Variants in CAB39L observed in about 807,000 individuals in gnomAD.
CAB39L encodes calcium binding protein 39 like.
A neutral mutation model predicts 39.1 loss-of-function variants in CAB39L; 23 were observed. That is an observed-to-expected ratio of 0.59 (90% CI 0.42 to 0.83). CAB39L has a LOEUF of 0.83. Ranked by LOEUF, CAB39L falls within the 40% of genes least tolerant of loss-of-function variation. The pLI is 0.00. For synonymous variants in CAB39L, 126 were observed against 137.2 expected, an observed-to-expected ratio of 0.92 and a Z score of 0.57; for missense variants, 366 against 391.9, an observed-to-expected ratio of 0.93 and a Z score of 0.56.
intron 3 of CAB39L, among the ~76,000 whole-genome samples, chr13:49,394,014 T>C (rs1956547898): frequency 6.6e-6 from 1 of 151,930 alleles, no homozygotes; most frequent in Non-Finnish European, 1.5e-5. Context: ...TTTCTGTAAT[T>C]TTATAAGTGA....
At chr13:49,358,282 A>G (rs985077916) in intron 6 of CAB39L, among the ~76,000 whole-genome samples, 5 of 152,182 alleles carry the variant, frequency 3.3e-5, no homozygotes, top group African/African-American at 1.2e-4. Context: ...TCACTAGTGA[A>G]TAATAACTGT....
intron 7 of CAB39L, among the ~76,000 whole-genome samples, chr13:49,346,309 T>C (rs1027821550): frequency 7.7e-5 from 11 of 142,310 alleles, no homozygotes; most frequent in Non-Finnish European, 1.4e-4. Flanking sequence ...ATATAATTGC[T>C]GCATTATAGA....
chr13:49,327,860 A>T (rs1954549174), intron 10 of CAB39L, among the ~76,000 whole-genome samples: 1 of 152,176 alleles, frequency 6.6e-6, no homozygotes, highest in South Asian at 2.1e-4. Flanking sequence ...TCCCATTTTA[A>T]ACAATGTTGC....
chr13:49,329,400 T>C (rs1036788732), intron 10 of CAB39L, among the ~76,000 whole-genome samples: 1 of 151,568 alleles, frequency 6.6e-6, no homozygotes, highest in Non-Finnish European at 1.5e-5. Flanking sequence ...CTAATGGGCT[T>C]CTGGACAATA....
At chr13:49,332,954 A>T (rs962534088) in intron 9 of CAB39L, among the ~76,000 whole-genome samples, 1 of 152,048 alleles carries the variant, frequency 6.6e-6, no homozygotes, top group East Asian at 1.9e-4. Context: ...TCAGGGGAGT[A>T]ACACATCATT....
At chr13:49,315,642 C>T (rs773936921) in intron 10 of CAB39L, among the ~76,000 whole-genome samples, 7 of 152,020 alleles carry the variant, frequency 4.6e-5, no homozygotes, top group South Asian at 4.2e-4. Context: ...AATCCAGCAG[C>T]GTGGGAGGCC....
chr13:49,359,701 G>A lies in CAB39L; in HGVS notation c.395+13C>T, dbSNP rs1955577450. The stretch of plus-strand genomic sequence containing the variant: ...AAAACTTAGCCCTACTTGAAAGGAA[G>A]CCATGTACCTACCCTTTGAGGAGCA... On this transcript the variant is annotated intron_variant, in intron 6 of 10. Transcript: ENST00000409308. 1 of 1,408,876 alleles carries A rather than the reference G, an allele frequency of 7.1e-7. No homozygotes were observed. The highest frequency in any genetic ancestry group is 2.3e-5 in the East Asian group (1 of 43,508). The allele number at this position is 1,408,876 out of a possible 1,614,324, so 87.3% of individuals were successfully genotyped here. A position where few individuals can be genotyped will look rare whatever the true frequency, so the allele number is the denominator to read the frequency against.
chr13:49,371,707 C>G (rs1955923237), intron 5 of CAB39L, among the ~76,000 whole-genome samples: 1 of 151,976 alleles, frequency 6.6e-6, no homozygotes, highest in Non-Finnish European at 1.5e-5. Flanking sequence ...GGTGATTCTT[C>G]CACCTTAGCC....
rs59783079 is a variant in CAB39L at position 49,441,221 on chromosome 13, G to GTATATATATA, written c.-246+2755_-246+2764dup. On this transcript the variant is annotated intron_variant, in intron 1 of 10. Transcript: ENST00000409308. ...GATGATTTTCTTATAATGATTTAGT[G>GTATATATATA]TATATATATATATATATATATATTC... Among the ~76,000 whole-genome samples, 162 of 121,446 alleles carry GTATATATATA rather than the reference G, an allele frequency of 1.3e-3. 1 individual carries two copies. The highest frequency in any genetic ancestry group is 4.5e-3 in the African/African-American group (123 of 27,278). The allele number at this position is 121,446 out of a possible 152,430, so 79.7% of individuals were successfully genotyped here.
chr13:49,366,388 T>G (rs1237804078), intron 5 of CAB39L, among the ~76,000 whole-genome samples: 1 of 151,402 alleles, frequency 6.6e-6, no homozygotes, highest in Non-Finnish European at 1.5e-5. Context: ...AAAAAAGAAA[T>G]AAATAAAAAC....
chr13:49,339,654 G>A (rs1299615030), intron 9 of CAB39L, 23 bp downstream of exon 9: 12 of 1,552,524 alleles, frequency 7.7e-6, no homozygotes, highest in East Asian at 2.4e-5. Context: ...CGGGGACACT[G>A]ACTTAAAGAA....
chr13:49,429,580 A>G (rs1957289153), intron 3 of CAB39L, among the ~76,000 whole-genome samples: 7 of 152,212 alleles, frequency 4.6e-5, no homozygotes, highest in Admixed American at 4.6e-4. Context: ...TGACTGGGTC[A>G]AAACATACAT....
chr13:49,327,292 C>T (rs2138374953), intron 10 of CAB39L, among the ~76,000 whole-genome samples: 1 of 152,146 alleles, frequency 6.6e-6, no homozygotes, highest in Middle Eastern at 3.4e-3. Context: ...TTGGCATTCC[C>T]ATGCATTTTG....
At chr13:49,391,079 C>G (rs1956479171) in intron 3 of CAB39L, among the ~76,000 whole-genome samples, 1 of 152,146 alleles carries the variant, frequency 6.6e-6, no homozygotes, top group South Asian at 2.1e-4. Context: ...TTTCTGAACT[C>G]TAAAGCGAAA....
intron 9 of CAB39L, among the ~76,000 whole-genome samples, chr13:49,333,577 T>C (rs796948656): frequency 0.032 from 4,613 of 142,988 alleles, 83 homozygotes; most frequent in Non-Finnish European, 0.052. Context: ...TCTTTTTTTT[T>C]TTTTTTTTTT....
intron 3 of CAB39L, among the ~76,000 whole-genome samples, chr13:49,427,721 T>C (rs1304577081): frequency 6.6e-6 from 1 of 152,124 alleles, no homozygotes; most frequent in African/African-American, 2.4e-5. Context: ...TTATCTTACT[T>C]CATTTGAACT....
rs1955326795 is a variant in CAB39L, at chr13:49,350,859, A to G, written c.449T>C (p.Ile150Thr). The G allele has an allele frequency of 2.5e-6, 4 of 1,612,154 alleles. No individual in the cohort carries two copies. The highest frequency in any genetic ancestry group is 1.7e-6 in the Non-Finnish European group (2 of 1,179,106). Residue 150 changes from isoleucine (I) to threonine (T), a missense_variant, in exon 7 of 11, where the codon ATT becomes ACT. Coordinates refer to ENST00000409308, the MANE Select transcript of CAB39L (RefSeq NM_001079670.3). ...GATTTTGGCAAGTGGTTCATGTCGA[A>G]TACATTCTCTCAGCATAATCCCACA... Reference protein sequence around the residue: ...LRCGIMLRECIRHEPLAKIIL... With the variant: ...LRCGIMLRECTRHEPLAKIIL...
chr13:49,397,301 T>G (rs1956662433), intron 3 of CAB39L, among the ~76,000 whole-genome samples: 1 of 152,104 alleles, frequency 6.6e-6, no homozygotes, highest in Non-Finnish European at 1.5e-5. Context: ...AAGAATAACT[T>G]GTTTTTATAA....
intron 3 of CAB39L, among the ~76,000 whole-genome samples, chr13:49,386,304 T>C (rs184323910): frequency 1.7e-4 from 26 of 152,336 alleles, no homozygotes; most frequent in Admixed American, 1.6e-3. Flanking sequence ...AAGCATTTTC[T>C]GATTCACTAT....
Sources: gnomAD v4.1 joint callset for allele counts (sites outside exome capture counted in the v4.1 genomes callset) on GRCh38, gnomAD v4.1.1 for gene constraint, MANE v1.5 for transcripts, NCBI Gene and HGNC (gene_info 2026-07-23, HGNC 2026-07-21) for gene names.